EYS: variants seen among roughly 807,000 people sequenced by gnomAD.
EYS encodes the protein EGF-like photoreceptor maintenance factor.
A neutral mutation model predicts 282.1 loss-of-function variants in EYS; 250 were observed. The ratio of observed to expected loss-of-function variants is 0.89; its 90% confidence interval spans 0.80 to 0.98. The LOEUF (loss-of-function observed/expected upper bound fraction) is 0.98. Ranked by LOEUF, EYS falls within the 50% of genes least tolerant of loss-of-function variation. The probability of loss-of-function intolerance (pLI) is 0.00; values close to 1 mark genes in which losing one functional copy is unlikely to be tolerated. For missense variants in EYS, 4,016 were observed against 3,709.0 expected (o/e 1.08, Z -2.15); for synonymous variants, 1,355 against 1,282.9 (o/e 1.06, Z -1.20).
chr6:64,453,670 T>C (rs1014326364), intron 26 of EYS, among the ~76,000 whole-genome samples: 1 of 152,196 alleles, frequency 6.6e-6, no homozygotes, highest in African/African-American at 2.4e-5. Flanking sequence ...TGGGATACTA[T>C]GCAGCCATAA....
intron 11 of EYS, among the ~76,000 whole-genome samples, chr6:65,326,407 A>G (rs1305562617): frequency 1.3e-5 from 2 of 151,392 alleles, no homozygotes; most frequent in Non-Finnish European, 3.0e-5. Flanking sequence ...AGATAAGTAC[A>G]TATATTTATA....
intron 15 of EYS, among the ~76,000 whole-genome samples, chr6:64,915,878 C>T (rs560928612): frequency 3.3e-5 from 5 of 152,182 alleles, no homozygotes; most frequent in Middle Eastern, 6.8e-3. Context: ...GCAAATGGAA[C>T]TTAGAATCCA....
intron 34 of EYS, among the ~76,000 whole-genome samples, chr6:63,996,740 ATAG>A (rs1767855808): frequency 6.6e-6 from 1 of 152,118 alleles, no homozygotes; most frequent in South Asian, 2.1e-4. Context: ...GAAGATAATA[ATAG>A]TATTTACTTC....
At chr6:64,134,032 T>C (rs892104969) in intron 31 of EYS, among the ~76,000 whole-genome samples, 2 of 151,964 alleles carry the variant, frequency 1.3e-5, no homozygotes, top group Non-Finnish European at 2.9e-5. Flanking sequence ...CCTAAGGAAG[T>C]GTGTGCTGTG....
chr6:64,494,529 C>A (rs371093190), intron 26 of EYS, among the ~76,000 whole-genome samples: 1 of 151,530 alleles, frequency 6.6e-6, no homozygotes, highest in African/African-American at 2.4e-5. Context: ...TCACACTTAG[C>A]ACGTAATGAC....
intron 1 of EYS, among the ~76,000 whole-genome samples, chr6:65,645,531 G>A (rs1246334992): frequency 6.6e-6 from 1 of 152,104 alleles, no homozygotes; most frequent in African/African-American, 2.4e-5. Context: ...GGCAAAAGTG[G>A]TGCTAAGAGG....
chr6:64,250,842 A>G (rs920633893), intron 30 of EYS, among the ~76,000 whole-genome samples: 5 of 152,210 alleles, frequency 3.3e-5, no homozygotes, highest in Non-Finnish European at 7.3e-5. Flanking sequence ...TATATCTTCC[A>G]TTATTTTTAG....
intron 38 of EYS, among the ~76,000 whole-genome samples, chr6:63,788,558 C>A (rs567010230): frequency 6.6e-6 from 1 of 152,162 alleles, no homozygotes; most frequent in African/African-American, 2.4e-5. Flanking sequence ...TCCATAGAAC[C>A]ACCAGAGTCC....
At chr6:64,792,140 T>C (rs1774210151) in intron 22 of EYS, among the ~76,000 whole-genome samples, 1 of 151,928 alleles carries the variant, frequency 6.6e-6, no homozygotes, top group African/African-American at 2.4e-5. Context: ...AAGCCTTTAT[T>C]CATCCATTAT....
intron 11 of EYS, among the ~76,000 whole-genome samples, chr6:65,328,167 A>G (rs1333464099): frequency 6.6e-6 from 1 of 151,456 alleles, no homozygotes; most frequent in Non-Finnish European, 1.5e-5. Context: ...TATAACATTC[A>G]TCATTCACTA....
chr6:65,116,267 C>T (rs377209296), intron 12 of EYS, among the ~76,000 whole-genome samples: 1 of 152,072 alleles, frequency 6.6e-6, no homozygotes, highest in South Asian at 2.1e-4. Flanking sequence ...AACCATAGCA[C>T]CCTCCTCTTT....
At chr6:65,012,389 G>A (rs1440588072) in intron 13 of EYS, among the ~76,000 whole-genome samples, 1 of 152,046 alleles carries the variant, frequency 6.6e-6, no homozygotes, top group African/African-American at 2.4e-5. Context: ...TAAAAATAAG[G>A]CTACTTATTC....
chr6:64,810,746 T>C (rs557628621), intron 22 of EYS, among the ~76,000 whole-genome samples: 2 of 152,152 alleles, frequency 1.3e-5, no homozygotes, highest in South Asian at 4.1e-4. Flanking sequence ...ATAAATACCC[T>C]TAAGGTGCAA....
At chr6:64,624,841 G>A (rs1767555692) in intron 23 of EYS, among the ~76,000 whole-genome samples, 1 of 152,112 alleles carries the variant, frequency 6.6e-6, no homozygotes. Context: ...GCTTTCTGAA[G>A]TCTTCTGTGA....
chr6:63,824,790 G>A (rs1187158931), intron 36 of EYS, among the ~76,000 whole-genome samples: 2 of 152,144 alleles, frequency 1.3e-5, no homozygotes, highest in African/African-American at 2.4e-5. Context: ...ATTCCTGCCT[G>A]GCACCACAGG....
At chr6:65,070,088 G>C (rs1773860573) in intron 12 of EYS, among the ~76,000 whole-genome samples, 1 of 151,730 alleles carries the variant, frequency 6.6e-6, no homozygotes. Context: ...CCTAAATACT[G>C]TATAATAAAT....
rs144993364 is a variant in EYS at position 64,888,024 on chromosome 6, T to C, written c.2847-1182A>G. Among the ~76,000 whole-genome samples, 494 of 152,204 alleles carry C rather than the reference T, an allele frequency of 3.2e-3. 3 individuals are homozygous for C. The highest frequency in any genetic ancestry group is 0.024 in the South Asian group (116 of 4,828). On this transcript the variant is annotated intron_variant, in intron 18 of 42. Coordinates refer to ENST00000503581, the MANE Select transcript of EYS (RefSeq NM_001142800.2). ...TGTCCTCCAGGATCATGTATGTTGT[T>C]ACAAATAACAGGACTTCATTCTTTT... is the stretch of plus-strand genomic sequence containing the variant.
intron 2 of EYS, among the ~76,000 whole-genome samples, chr6:65,506,792 A>T (rs1562228843): frequency 6.6e-6 from 1 of 151,850 alleles, no homozygotes. Context: ...TTTTTAACTA[A>T]TTTAATTTGA....
At chr6:64,658,898 T>C (rs919931885) in intron 22 of EYS, among the ~76,000 whole-genome samples, 4 of 152,192 alleles carry the variant, frequency 2.6e-5, no homozygotes, top group African/African-American at 9.7e-5. Context: ...CTAATAGACA[T>C]CTTCAGAACT....
Sources: allele counts gnomAD v4.1 joint callset (sites outside exome capture counted in the v4.1 genomes callset), GRCh38; gene constraint gnomAD v4.1.1; transcripts MANE v1.5; gene names NCBI Gene and HGNC (gene_info 2026-07-23, HGNC 2026-07-21).